Variants in RBFOX1 observed in about 807,000 individuals in gnomAD.
RBFOX1 encodes the protein RNA binding fox-1 homolog 1, also known as RNA binding protein fox-1 homolog 1.
A neutral mutation model predicts 57.7 loss-of-function variants in RBFOX1; 8 were observed. The observed-to-expected ratio is 0.14, with a 90% CI of 0.08 to 0.25. RBFOX1 has a LOEUF of 0.25. RBFOX1 is among the 10% of genes least tolerant of loss of function. The pLI is 1.00. For synonymous variants in RBFOX1, 326 were observed against 222.4 expected (o/e 1.47, Z -4.15); for missense variants, 611 against 548.5 (o/e 1.11, Z -1.14).
intron 2 of RBFOX1, among the ~76,000 whole-genome samples, chr16:6,326,961 A>G (rs1461787243): frequency 6.6e-6 from 1 of 152,142 alleles, no homozygotes; most frequent in African/African-American, 2.4e-5. Flanking sequence ...CTCGTCTTTC[A>G]TTTTGGAGCA....
intron 4 of RBFOX1, among the ~76,000 whole-genome samples, chr16:7,213,778 A>G (rs1603263122): frequency 1.3e-5 from 2 of 152,108 alleles, no homozygotes; most frequent in Admixed American, 1.3e-4. Flanking sequence ...CCATAAACCA[A>G]CTCAAATCTA....
At chr16:5,732,711 T>C (rs1567462905) in intron 3 of RBFOX1, among the ~76,000 whole-genome samples, 1 of 152,208 alleles carries the variant, frequency 6.6e-6, no homozygotes, top group South Asian at 2.1e-4. Flanking sequence ...TTCACCCATT[T>C]ACTTAACAAT....
intron 3 of RBFOX1, among the ~76,000 whole-genome samples, chr16:5,665,335 C>G (rs1310624005): frequency 6.6e-6 from 1 of 152,106 alleles, no homozygotes; most frequent in Non-Finnish European, 1.5e-5. Flanking sequence ...TGTCTGGCTC[C>G]TTTTCCTCCT....
At chr16:5,657,924 G>T (rs1348873458) in intron 3 of RBFOX1, among the ~76,000 whole-genome samples, 1 of 151,552 alleles carries the variant, frequency 6.6e-6, no homozygotes, top group African/African-American at 2.4e-5. Context: ...TAGAGACGAG[G>T]TTTCGCCACC....
At chr16:6,395,410 TC>T (rs2092784757) in intron 2 of RBFOX1, among the ~76,000 whole-genome samples, 1 of 152,216 alleles carries the variant, frequency 6.6e-6, no homozygotes, top group Non-Finnish European at 1.5e-5. Flanking sequence ...GGTCATGTTA[TC>T]CCAAATTCTT....
intron 2 of RBFOX1, among the ~76,000 whole-genome samples, chr16:6,617,203 C>G (rs2098155821): frequency 6.6e-6 from 1 of 151,672 alleles, no homozygotes; most frequent in South Asian, 2.1e-4. Flanking sequence ...GTATAGGGTT[C>G]AGTGAAACTT....
At chr16:7,032,072 C>CT (rs1328193592) in intron 3 of RBFOX1, among the ~76,000 whole-genome samples, 1 of 152,134 alleles carries the variant, frequency 6.6e-6, no homozygotes, top group Non-Finnish European at 1.5e-5. Flanking sequence ...CTGCCAGCAA[C>CT]TTTCGGATGG....
At chr16:6,028,668 A>G (rs2095242088) in intron 1 of RBFOX1, among the ~76,000 whole-genome samples, 1 of 152,136 alleles carries the variant, frequency 6.6e-6, no homozygotes, top group Admixed American at 6.6e-5. Flanking sequence ...GCAACAGAGC[A>G]AGACCCTATC....
intron 4 of RBFOX1, among the ~76,000 whole-genome samples, chr16:7,439,185 C>G (rs1598434228): frequency 6.6e-6 from 1 of 152,118 alleles, no homozygotes; most frequent in African/African-American, 2.4e-5. Context: ...GTCGTCTTCA[C>G]CATTGCAGGA....
chr16:7,323,797 A>T (rs1297668190), intron 4 of RBFOX1, among the ~76,000 whole-genome samples: 1 of 152,240 alleles, frequency 6.6e-6, no homozygotes, highest in Non-Finnish European at 1.5e-5. Flanking sequence ...GAAGATGAAG[A>T]TGTAGGAGGA....
At chr16:7,220,032 A>T (rs2152842429) in intron 4 of RBFOX1, among the ~76,000 whole-genome samples, 1 of 152,314 alleles carries the variant, frequency 6.6e-6, no homozygotes, top group South Asian at 2.1e-4. Flanking sequence ...CTTCATTTTA[A>T]AATTAAAGGT....
intron 1 of RBFOX1, among the ~76,000 whole-genome samples, chr16:5,257,723 C>A (rs1415115361): frequency 6.6e-6 from 1 of 152,136 alleles, no homozygotes; most frequent in South Asian, 2.1e-4. Context: ...CTGGGAGAGT[C>A]CCCAGTGTCA....
intron 4 of RBFOX1, among the ~76,000 whole-genome samples, chr16:7,125,153 A>C (rs1195953263): frequency 6.6e-6 from 1 of 152,184 alleles, no homozygotes; most frequent in Non-Finnish European, 1.5e-5. Context: ...AAGAGGTAAC[A>C]CTGCATGGTG....
At chr16:6,416,226 C>T (rs1231318855) in intron 2 of RBFOX1, among the ~76,000 whole-genome samples, 3 of 152,182 alleles carry the variant, frequency 2.0e-5, no homozygotes, top group East Asian at 1.9e-4. Flanking sequence ...AATTTTCCAT[C>T]GGGTGGATTT....
intron 5 of RBFOX1, among the ~76,000 whole-genome samples, chr16:7,549,450 A>G (rs1366241759): frequency 6.6e-6 from 1 of 152,216 alleles, no homozygotes; most frequent in African/African-American, 2.4e-5. Flanking sequence ...CAGAACTAAT[A>G]GGATAGATGT....
chr16:6,805,908 T>A (rs2086659387), intron 3 of RBFOX1, among the ~76,000 whole-genome samples: 1 of 152,220 alleles, frequency 6.6e-6, no homozygotes, highest in African/African-American at 2.4e-5. Flanking sequence ...CCCTGTTGTA[T>A]CTTCTTTACT....
At chr16:7,625,808 A>G (rs1031694419) in intron 10 of RBFOX1, among the ~76,000 whole-genome samples, 4 of 152,048 alleles carry the variant, frequency 2.6e-5, no homozygotes, top group African/African-American at 9.7e-5. Flanking sequence ...CTCCATTTTA[A>G]TTTTATTTCT....
chr16:7,059,306 C>A (rs544882077), intron 4 of RBFOX1, among the ~76,000 whole-genome samples: 4 of 152,278 alleles, frequency 2.6e-5, no homozygotes, highest in African/African-American at 7.2e-5. Context: ...CTTGGTGAGA[C>A]CTCACAGGAT....
chr16:6,180,714 C>T (rs1160409726), intron 1 of RBFOX1, among the ~76,000 whole-genome samples: 10 of 151,732 alleles, frequency 6.6e-5, no homozygotes, highest in African/African-American at 9.7e-5. Flanking sequence ...TACAGGCACC[C>T]GCCACCACAC....
Sources: gnomAD v4.1 joint callset for allele counts (sites outside exome capture counted in the v4.1 genomes callset) on GRCh38, gnomAD v4.1.1 for gene constraint, MANE v1.5 for transcripts, NCBI Gene and HGNC (gene_info 2026-07-23, HGNC 2026-07-21) for gene names.